The following SLC12A2 variants were observed in gnomAD, a reference collection of about 807,000 sequenced individuals.
SLC12A2 encodes Na-K-2Cl cotransporter 1.
A neutral mutation model predicts 136.3 loss-of-function variants in SLC12A2; 67 were observed. The ratio of observed to expected loss-of-function variants is 0.49; its 90% confidence interval spans 0.40 to 0.60. The LOEUF (loss-of-function observed/expected upper bound fraction) is 0.60. Among genes scored for constraint, SLC12A2 ranks in the 20% least tolerant of loss-of-function variants. The pLI, the probability that SLC12A2 is intolerant of heterozygous loss-of-function variation, is 0.00. For missense variants in SLC12A2, 1,322 were observed against 1,534.7 expected (o/e 0.86, Z 2.32); for synonymous variants, 619 against 562.9 (o/e 1.10, Z -1.41).
intron 15 of SLC12A2, among the ~76,000 whole-genome samples, chr5:128,156,228 C>T (rs1399639143): frequency 6.6e-6 from 1 of 152,146 alleles, no homozygotes; most frequent in East Asian, 1.9e-4. Context: ...CAGGTAGTTT[C>T]ATAGCTTCCT....
At chr5:128,094,321 C>G (rs555025001) in intron 1 of SLC12A2, among the ~76,000 whole-genome samples, 8 of 151,514 alleles carry the variant, frequency 5.3e-5, no homozygotes, top group Non-Finnish European at 1.0e-4. Flanking sequence ...AAGAATCTTA[C>G]CTACCTTATA....
At chr5:128,131,489 C>T (rs182962642) in intron 5 of SLC12A2, among the ~76,000 whole-genome samples, 2 of 150,586 alleles carry the variant, frequency 1.3e-5, no homozygotes, top group South Asian at 2.1e-4. Flanking sequence ...GTCAGGAGAT[C>T]GAGACCATCC....
chr5:128,182,626 C>A (rs897554814), intron 23 of SLC12A2, among the ~76,000 whole-genome samples: 15 of 152,058 alleles, frequency 9.9e-5, no homozygotes, highest in Non-Finnish European at 1.5e-4. Context: ...TTACTCAGTG[C>A]TAAGGAGAGA....
intron 4 of SLC12A2, among the ~76,000 whole-genome samples, chr5:128,128,853 A>T (rs2126693821): frequency 6.6e-6 from 1 of 151,910 alleles, no homozygotes; most frequent in East Asian, 1.9e-4. Flanking sequence ...GTGGGAAGGA[A>T]TAGGGCAAAT....
intron 4 of SLC12A2, among the ~76,000 whole-genome samples, chr5:128,122,590 A>G (rs1761624371): frequency 6.6e-6 from 1 of 152,178 alleles, no homozygotes; most frequent in Non-Finnish European, 1.5e-5. Flanking sequence ...ATGTCTACAT[A>G]AGTCACAATT....
intron 1 of SLC12A2, among the ~76,000 whole-genome samples, chr5:128,100,224 T>A (rs1189162213): frequency 6.6e-6 from 1 of 152,118 alleles, no homozygotes; most frequent in Non-Finnish European, 1.5e-5. Context: ...GACAGAAACA[T>A]CATTATGTAG....
chr5:128,171,604 G>C, intron 18 of SLC12A2, 63 bp from the exon 19 acceptor site: 2 of 1,017,018 alleles, frequency 2.0e-6, no homozygotes, highest in Non-Finnish European at 3.0e-6. Flanking sequence ...ATTTTAAAGA[G>C]GATAACACAA....
Position 128,084,091 on chromosome 5 carries a change from C to T in SLC12A2, c.137C>T (p.Ala46Val), listed in dbSNP as rs1160378341. The T allele has an allele frequency of 7.6e-7, 1 of 1,315,774 alleles. No individual in the cohort carries two copies. Among genetic ancestry groups the T allele is most frequent in the South Asian group, 2.2e-5 (1 of 46,310 alleles). 81.5% of individuals were successfully genotyped at this position (1,315,774 alleles called of 1,614,324 possible). ...GCTGTGCCCTCGGTGCCGGAGGATG[C>T]TGCGCCCGCGAGCCGGGACGGCGGC... ...GTAVPSVPEDAAPASRDGGGV... is the reference protein window; with the variant it reads ...GTAVPSVPEDVAPASRDGGGV... Residue 46 changes from alanine to valine, a missense_variant, in exon 1 of 27, where the codon GCT (alanine) becomes GTT (valine). Ala to Val is a moderately conservative substitution (Grantham distance 64). Transcript: ENST00000262461. The surrounding 1 kb of genome is among the most constrained non-coding windows in gnomAD (Gnocchi z 5.6).
chr5:128,164,166 T>G (rs962759944), intron 17 of SLC12A2, among the ~76,000 whole-genome samples: 1 of 152,152 alleles, frequency 6.6e-6, no homozygotes, highest in African/African-American at 2.4e-5. Flanking sequence ...CACCCCAGAA[T>G]GAATCAGATC....
intron 1 of SLC12A2, among the ~76,000 whole-genome samples, chr5:128,088,475 G>A (rs933620829): frequency 6.6e-6 from 1 of 152,208 alleles, no homozygotes; most frequent in Non-Finnish European, 1.5e-5. Flanking sequence ...ATTATCAAAT[G>A]TGGAAAGTGG....
intron 5 of SLC12A2, among the ~76,000 whole-genome samples, chr5:128,131,756 A>C (rs1365763256): frequency 1.3e-5 from 2 of 152,170 alleles, no homozygotes; most frequent in African/African-American, 4.8e-5. Flanking sequence ...CTGTAATCTC[A>C]GTACTATGGG....
chr5:128,140,571 C>T (rs1762329329), intron 9 of SLC12A2, among the ~76,000 whole-genome samples: 2 of 152,178 alleles, frequency 1.3e-5, no homozygotes, highest in Admixed American at 1.3e-4. Flanking sequence ...GGCCCTCATG[C>T]TCATTTCATT....
chr5:128,178,613 T>G lies in SLC12A2; in HGVS notation c.3024T>G (p.Leu1008=), dbSNP rs1354328615. 1 of 1,600,638 alleles carries G rather than the reference T, an allele frequency of 6.2e-7. No homozygotes were observed. The highest frequency in any genetic ancestry group is 1.3e-5 in the African/African-American group (1 of 74,276). The change falls in exon 22 of 27, where the codon CTT becomes CTG. Residue 1008 remains leucine, a synonymous_variant. Transcript: ENST00000262461. ...CTTTAAATGTAGCTGACCAAAAGCTTCTTGAAGCTAGTACACAGTTTCAGA... is the reference window on the plus strand; with the variant it reads ...CTTTAAATGTAGCTGACCAAAAGCTGCTTGAAGCTAGTACACAGTTTCAGA... The part of the protein sequence containing the change: ...IVPLNVADQK[L]LEASTQFQKK...
In SLC12A2 at chr5:128,144,906, A is replaced by G. The variant is rs940335770; in HGVS notation, c.1774-2716A>G. On this transcript the variant is annotated intron_variant, in intron 10 of 26. Coordinates refer to ENST00000262461, the MANE Select transcript of SLC12A2 (RefSeq NM_001046.3). Reference sequence around the variant, plus strand: ...ATTTACTTGCTATCTTTTAGCTTTTATTAGACTTTTGTCTTTTTTTCCCCT... The same window carrying G: ...ATTTACTTGCTATCTTTTAGCTTTTGTTAGACTTTTGTCTTTTTTTCCCCT... Among the ~76,000 whole-genome samples the G allele has an allele frequency of 5.9e-5, 9 of 152,190 alleles. No homozygotes were observed. In the East Asian group the frequency reaches 1.7e-3, roughly 29 times the overall value.
Position 128,098,635 on chromosome 5 carries a change from G to GT in SLC12A2, c.756+13934dup, listed in dbSNP as rs1183888821. On this transcript the variant is annotated intron_variant, in intron 1 of 26. Coordinates refer to ENST00000262461, the MANE Select transcript of SLC12A2 (RefSeq NM_001046.3). ...ATTCTTCTGAAAATTATTGTTGTTG[G>GT]TTTTTTTTTGTTGTTGTTCTAAAAG... 1.0e-2 allele frequency among the ~76,000 whole-genome samples: 1,496 copies of GT among 150,054 alleles called. 20 individuals are homozygous for GT. The highest frequency in any genetic ancestry group is 0.034 in the African/African-American group (1,394 of 40,984).
chr5:128,145,566 G>A (rs1762507486), intron 10 of SLC12A2, among the ~76,000 whole-genome samples: 1 of 152,056 alleles, frequency 6.6e-6, no homozygotes, highest in South Asian at 2.1e-4. Flanking sequence ...AAAGGGCTGA[G>A]TAGAAAATAA....
At chr5:128,144,137 C>T (rs1203015362) in intron 10 of SLC12A2, among the ~76,000 whole-genome samples, 1 of 151,934 alleles carries the variant, frequency 6.6e-6, no homozygotes, top group Non-Finnish European at 1.5e-5. Flanking sequence ...TGGTCTTTGC[C>T]CAGTGACTGA....
intron 1 of SLC12A2, among the ~76,000 whole-genome samples, chr5:128,100,779 C>T (rs1407346281): frequency 6.6e-6 from 1 of 152,090 alleles, no homozygotes; most frequent in Non-Finnish European, 1.5e-5. Flanking sequence ...AGAAATTGTA[C>T]AGTTACTAAT....
chr5:128,125,728 C>A (rs951831725), intron 4 of SLC12A2, among the ~76,000 whole-genome samples: 1 of 151,962 alleles, frequency 6.6e-6, no homozygotes, highest in African/African-American at 2.4e-5. Flanking sequence ...TTGCCTATCC[C>A]AAGGCCATGA....
Sources: allele counts gnomAD v4.1 joint callset (sites outside exome capture counted in the v4.1 genomes callset), GRCh38; gene constraint gnomAD v4.1.1; non-coding constraint Gnocchi (gnomAD v3.1); transcripts MANE v1.5; gene names NCBI Gene and HGNC (gene_info 2026-07-23, HGNC 2026-07-21).